Variants in TACC1 observed in about 807,000 individuals in gnomAD.
TACC1 encodes the protein transforming acidic coiled-coil-containing protein 1.
TACC1 carries 48 observed loss-of-function variants against 84.4 expected under a neutral mutation model. The ratio of observed to expected loss-of-function variants is 0.57; its 90% CI spans 0.45 to 0.72. TACC1 has a LOEUF of 0.72. Ranked by LOEUF, TACC1 falls within the 30% of genes least tolerant of loss-of-function variation. The pLI is 0.00. For synonymous variants in TACC1, 372 were observed against 376.3 expected (o/e 0.99, Z 0.13); for missense variants, 920 against 973.0 (o/e 0.95, Z 0.72).
At chr8:38,742,317 C>A in intron 1 of TACC1, 2 of 937,650 alleles carry the variant, frequency 2.1e-6, no homozygotes, top group Non-Finnish European at 1.5e-6. Context: ...TATGATTAAG[C>A]ATGTGACTCC....
intron 1 of TACC1, among the ~76,000 whole-genome samples, chr8:38,730,308 C>G (rs1427798513): frequency 3.3e-5 from 5 of 152,240 alleles, no homozygotes; most frequent in African/African-American, 1.2e-4. Flanking sequence ...ACCTCTCGTG[C>G]AGGGACAGAC....
intron 2 of TACC1, among the ~76,000 whole-genome samples, chr8:38,798,777 G>A (rs1443090797): frequency 6.6e-6 from 1 of 152,112 alleles, no homozygotes; most frequent in Admixed American, 6.5e-5. Context: ...CTGGGCCCCA[G>A]CAGTTGTTGG....
chr8:38,754,296 T>C (rs1809605853), intron 3 of TACC1, among the ~76,000 whole-genome samples: 1 of 152,110 alleles, frequency 6.6e-6, no homozygotes. Flanking sequence ...ACCCTGTGCC[T>C]TTCTGCACTA....
chr8:38,819,593 C>T lies in TACC1; in HGVS notation c.349C>T (p.Pro117Ser), dbSNP rs144328235. The T allele has an allele frequency of 2.1e-5, 34 of 1,614,194 alleles. 1 individual carries two copies. The Middle Eastern group carries it at 8.2e-4, about 39-fold the overall frequency. Residue 117 changes from proline to serine, a missense_variant, in exon 3 of 13, where the codon CCT (proline) becomes TCT (serine). This residue lies in a region of TACC1 where 762 missense variants were observed against 747.3 expected (regional missense o/e 1.02). Coordinates refer to ENST00000317827, the MANE Select transcript of TACC1 (RefSeq NM_006283.3). ...ATGTTCATCTAAGACTTGTTCTAAACCTTCAGAAAATGAAGTGCCACAGCA... is the reference window on the plus strand; with the variant it reads ...ATGTTCATCTAAGACTTGTTCTAAATCTTCAGAAAATGAAGTGCCACAGCA... ...EKCSSKTCSK[P>S]SENEVPQQAI...
At chr8:38,788,112 T>G (rs938983811) in intron 1 of TACC1, 1 of 220,672 alleles carries the variant, frequency 4.5e-6, no homozygotes, top group East Asian at 1.1e-4. Context: ...AAGAAGTCGC[T>G]CCCCGGCCCT....
At chr8:38,729,787 T>C (rs144085349) in intron 1 of TACC1, among the ~76,000 whole-genome samples, 75 of 152,248 alleles carry the variant, frequency 4.9e-4, no homozygotes, top group African/African-American at 1.7e-3. Context: ...GAGAATTACT[T>C]GAACCCGGGA....
At chr8:38,745,324 T>C (rs1807859898) in exon 3 of TACC1, 1 of 534,230 alleles carries the variant, frequency 1.9e-6, no homozygotes, top group Admixed American at 3.6e-5. Flanking sequence ...ACAACACTCA[T>C]CAGAGAAAAA....
intron 1 of TACC1, among the ~76,000 whole-genome samples, chr8:38,738,038 C>T (rs966095370): frequency 3.3e-5 from 5 of 151,932 alleles, no homozygotes. Flanking sequence ...GGGAACCATT[C>T]TTTAAGGGAG....
chr8:38,846,554 C>A (rs960687001), intron 11 of TACC1, 145 bp from the exon 12 acceptor site: 1 of 898,132 alleles, frequency 1.1e-6, no homozygotes, highest in Non-Finnish European at 1.6e-6. Flanking sequence ...ATTTAGGTCA[C>A]CGATTTTTGT....
chr8:38,795,117 A>G (rs1465780162), intron 2 of TACC1, among the ~76,000 whole-genome samples: 2 of 152,148 alleles, frequency 1.3e-5, no homozygotes, highest in Non-Finnish European at 2.9e-5. Flanking sequence ...GCTCTATCAC[A>G]ATGTAAATGT....
intron 3 of TACC1, among the ~76,000 whole-genome samples, chr8:38,760,221 T>C (rs995780741): frequency 2.0e-5 from 3 of 152,220 alleles, no homozygotes; most frequent in Admixed American, 1.3e-4. Context: ...CAAGCATAGA[T>C]GTACATGAAA....
In TACC1 at chr8:38,799,088, G is replaced by A. The variant is rs113750637; in HGVS notation, c.277+10269G>A. Among the ~76,000 whole-genome samples the A allele has an allele frequency of 1.6e-4, 24 of 152,308 alleles. 3 individuals are homozygous for A. Among genetic ancestry groups the A allele is most frequent in the African/African-American group, 5.3e-4 (22 of 41,560 alleles). ...AGGGCAGACCACTTGAGCAGAAAGG[G>A]TTGGTGCCAGAATCACGCTTGTTTC... On this transcript the variant is annotated intron_variant, in intron 2 of 12. Coordinates refer to ENST00000317827, the MANE Select transcript of TACC1 (RefSeq NM_006283.3).
chr8:38,758,170 G>A (rs1030148830), intron 3 of TACC1, among the ~76,000 whole-genome samples: 1 of 152,076 alleles, frequency 6.6e-6, no homozygotes, highest in African/African-American at 2.4e-5. Context: ...CAGTGTCAGG[G>A]AATCCATACT....
intron 2 of TACC1, chr8:38,802,343 T>A (rs1385979793): frequency 6.6e-6 from 1 of 152,298 alleles, no homozygotes; most frequent in African/African-American, 2.4e-5. Flanking sequence ...CATTACTGCC[T>A]GAGCTCCACC....
chr8:38,745,542 T>C (rs931976694), intron 3 of TACC1: 51 of 672,622 alleles, frequency 7.6e-5, no homozygotes, highest in Middle Eastern at 3.1e-4. Context: ...TTTGTTTGTT[T>C]GTTTTTGTTT....
At chr8:38,846,501 G>A (rs1313589332) in intron 11 of TACC1, 198 bp from the exon 12 acceptor site, 3 of 505,854 alleles carry the variant, frequency 5.9e-6, no homozygotes, top group Non-Finnish European at 9.9e-6. Context: ...TACAAATTTT[G>A]AAGTTGTCTG....
intron 1 of TACC1, among the ~76,000 whole-genome samples, chr8:38,740,682 A>G (rs1279197084): frequency 6.6e-6 from 1 of 152,226 alleles, no homozygotes; most frequent in African/African-American, 2.4e-5. Context: ...AGCACTCCCT[A>G]CTGATCTATC....
chr8:38,798,721 A>G (rs1820613153), intron 2 of TACC1, among the ~76,000 whole-genome samples: 1 of 151,564 alleles, frequency 6.6e-6, no homozygotes, highest in Admixed American at 6.6e-5. Flanking sequence ...TGACTCACCC[A>G]CTCAGAATCC....
chr8:38,755,755 A>AC (rs1809910635), intron 3 of TACC1, among the ~76,000 whole-genome samples: 1 of 134,014 alleles, frequency 7.5e-6, no homozygotes, highest in African/African-American at 2.8e-5. Flanking sequence ...ACAACAACAG[A>AC]GTGTTCCTGC....
Sources: allele counts gnomAD v4.1 joint callset (sites outside exome capture counted in the v4.1 genomes callset), GRCh38; gene constraint gnomAD v4.1.1; regional missense constraint gnomAD v4.1.1; transcripts MANE v1.5; gene names NCBI Gene and HGNC (gene_info 2026-07-23, HGNC 2026-07-21).